Variants in COLEC12 observed in about 807,000 individuals in gnomAD.
COLEC12 encodes collectin-12.
In COLEC12, 33 loss-of-function variants were observed where a neutral mutation model predicts 71.1. That is an observed-to-expected ratio of 0.46 (90% CI 0.35 to 0.62). The LOEUF (loss-of-function observed/expected upper bound fraction) is 0.62, where lower values mean the gene tolerates loss of function less well. Among genes scored for constraint, COLEC12 ranks in the 20% least tolerant of loss-of-function variants. The pLI, the probability that COLEC12 is intolerant of heterozygous loss-of-function variation, is 0.00. For missense variants in COLEC12, 765 were observed against 916.1 expected (o/e 0.84, Z 2.13); for synonymous variants, 350 against 353.0 (o/e 0.99, Z 0.10).
intron 2 of COLEC12, among the ~76,000 whole-genome samples, chr18:369,385 C>CT (rs55923005): frequency 0.25 from 33,862 of 136,080 alleles, 4,426 homozygotes; most frequent in East Asian, 0.35. Flanking sequence ...TGATACAGAT[C>CT]TTTTTTTTTT....
chr18:404,352 C>T (rs1311955849), intron 2 of COLEC12, among the ~76,000 whole-genome samples: 2 of 152,194 alleles, frequency 1.3e-5, no homozygotes, highest in Non-Finnish European at 2.9e-5. Flanking sequence ...ACACAGAATT[C>T]CAAAATGCTG....
intron 2 of COLEC12, among the ~76,000 whole-genome samples, chr18:361,492 A>C (rs1417849463): frequency 6.6e-6 from 1 of 152,156 alleles, no homozygotes; most frequent in African/African-American, 2.4e-5. Context: ...AAAAAGGAAA[A>C]AAACAAAACA....
chr18:386,108 A>ATT (rs757540658), intron 2 of COLEC12, among the ~76,000 whole-genome samples: 29,589 of 151,882 alleles, frequency 0.19, 3,060 homozygotes, highest in Middle Eastern at 0.29. Context: ...TGGGTGGGGG[A>ATT]GAAGGCTAGG....
chr18:498,746 G>T lies in COLEC12; in HGVS notation c.7+1762C>A, dbSNP rs921046512. Among the ~76,000 whole-genome samples, 3 of 152,080 alleles carry T rather than the reference G, an allele frequency of 2.0e-5. No homozygotes were observed. In the East Asian group the frequency reaches 5.8e-4, roughly 29 times the overall value. Reference sequence around the variant, plus strand: ...AGTCCGTCCCTCCATCAACCTCCCCGACTGGGGCGGAAAGTGTATGGGGCT... The same window carrying T: ...AGTCCGTCCCTCCATCAACCTCCCCTACTGGGGCGGAAAGTGTATGGGGCT... On this transcript the variant is annotated intron_variant, in intron 1 of 9. Transcript: ENST00000400256.
intron 5 of COLEC12, among the ~76,000 whole-genome samples, chr18:339,450 T>C (rs1337977852): frequency 6.6e-6 from 1 of 152,190 alleles, no homozygotes; most frequent in Non-Finnish European, 1.5e-5. Flanking sequence ...CCAGATCTTG[T>C]GAAGGAAGGG....
At chr18:476,160 T>C (rs1012962895) in intron 2 of COLEC12, among the ~76,000 whole-genome samples, 4 of 152,224 alleles carry the variant, frequency 2.6e-5, no homozygotes, top group African/African-American at 9.7e-5. Context: ...CGTTTTGGAC[T>C]GTAACCCCTA....
intron 1 of COLEC12, among the ~76,000 whole-genome samples, chr18:487,234 T>C (rs1480270): frequency 0.47 from 71,949 of 152,044 alleles, 17,728 homozygotes; most frequent in African/African-American, 0.58. Flanking sequence ...CACACACACA[T>C]TGTGTGATTC....
At chr18:421,937 C>T (rs1038051776) in intron 2 of COLEC12, among the ~76,000 whole-genome samples, 1 of 152,190 alleles carries the variant, frequency 6.6e-6, no homozygotes, top group African/African-American at 2.4e-5. Context: ...TACCAATCTA[C>T]AGGACAGGCC....
At chr18:373,515 C>T (rs1273907405) in intron 2 of COLEC12, among the ~76,000 whole-genome samples, 1 of 152,228 alleles carries the variant, frequency 6.6e-6, no homozygotes, top group Admixed American at 6.5e-5. Context: ...ATATCAAAAT[C>T]CACTGTATGT....
Position 435,029 on chromosome 18 carries a change from C to A in COLEC12, c.58+45678G>T, listed in dbSNP as rs573935749. 3.9e-5 allele frequency among the ~76,000 whole-genome samples: 6 copies of A among 152,332 alleles called. No individual in the cohort carries two copies. The South Asian group carries it at 1.0e-3, about 26-fold the overall frequency. ...CAACAACTTTCCTGACTTTGACCAG[C>A]AGCTTTCTGGTGTTTATTTAGCAAC... On this transcript the variant is annotated intron_variant, in intron 2 of 9. Transcript: ENST00000400256.
chr18:358,998 G>C (rs117958002), intron 2 of COLEC12, among the ~76,000 whole-genome samples: 4 of 151,896 alleles, frequency 2.6e-5, no homozygotes, highest in African/African-American at 9.7e-5. Flanking sequence ...TGATAATTAC[G>C]ATGATAATTT....
At position 366,137 on chromosome 18, in the gene COLEC12, C is replaced by T. The variant is rs554920601; in HGVS notation, c.59-8615G>A. Among the ~76,000 whole-genome samples, 14 of 152,310 alleles carry T rather than the reference C, an allele frequency of 9.2e-5. No homozygotes were observed. The South Asian group carries it at 2.9e-3, about 32-fold the overall frequency. On this transcript the variant is annotated intron_variant, in intron 2 of 9. Transcript: ENST00000400256. ...AAAAATCTATCTCTGCCTTCTGGAA[C>T]TTATATTCCAGTGGGAGGATGTCTT...
chr18:369,397 ATTTTTTTTTATTTTTATT>A (rs1914946545), intron 2 of COLEC12, among the ~76,000 whole-genome samples: 1 of 99,248 alleles, frequency 1.0e-5, no homozygotes, highest in African/African-American at 3.4e-5. Context: ...TTTTTTTTTT[ATTTTTTTTTATTTTTATT>A]TTTATTTTTA....
chr18:462,029 A>C (rs1427924613), intron 2 of COLEC12, among the ~76,000 whole-genome samples: 1 of 152,208 alleles, frequency 6.6e-6, no homozygotes, highest in Non-Finnish European at 1.5e-5. Context: ...TCATCCCAGT[A>C]CTACAGCAAA....
rs1468989256 is a variant in COLEC12 at position 408,852 on chromosome 18, TG to T, written c.59-51331del. Among the ~76,000 whole-genome samples, 3 of 152,148 alleles carry T rather than the reference TG, an allele frequency of 2.0e-5. No homozygotes were observed. The highest frequency in any genetic ancestry group is 2.0e-4 in the Admixed American group (3 of 15,278). Reference sequence around the variant, plus strand: ...TTTTAATTTTTATTTTTTATTTTTTTGAGATAGTCTTGCTCTGCTGCCCAGG... The same window carrying T: ...TTTTAATTTTTATTTTTTATTTTTTTAGATAGTCTTGCTCTGCTGCCCAGG... On this transcript the variant is annotated intron_variant, in intron 2 of 9. Coordinates refer to ENST00000400256, the MANE Select transcript of COLEC12 (RefSeq NM_130386.3). This position sits in a 1 kb window ranked among gnomAD's most constrained non-coding sequence, Gnocchi z 4.3.
chr18:324,959 CAGG>C (rs1407445049), intron 8 of COLEC12, among the ~76,000 whole-genome samples: 1 of 152,182 alleles, frequency 6.6e-6, no homozygotes, highest in Non-Finnish European at 1.5e-5. Flanking sequence ...GAGGCTAAGG[CAGG>C]AGGATCACTC....
At chr18:360,220 T>C (rs939283162) in intron 2 of COLEC12, among the ~76,000 whole-genome samples, 5 of 151,812 alleles carry the variant, frequency 3.3e-5, no homozygotes, top group Admixed American at 1.3e-4. Flanking sequence ...TTTTGCTCTG[T>C]TGCCCAGGCT....
At chr18:397,107 T>C (rs1336535950) in intron 2 of COLEC12, among the ~76,000 whole-genome samples, 3 of 152,232 alleles carry the variant, frequency 2.0e-5, no homozygotes, top group South Asian at 4.1e-4. Flanking sequence ...TGTGTATCTA[T>C]AGAAAGACAA....
Position 500,432 on chromosome 18 carries a change from G to GCCC in COLEC12, c.7+75_7+76insGGG. The GCCC allele has an allele frequency of 1.2e-6, 1 of 848,806 alleles. No individual in the cohort carries two copies. Among genetic ancestry groups the GCCC allele is most frequent in the Non-Finnish European group, 1.4e-6 (1 of 696,188 alleles). 52.6% of individuals were successfully genotyped at this position (848,806 alleles called of 1,614,324 possible). A position where few individuals can be genotyped will look rare whatever the true frequency, so the allele number is the denominator to read the frequency against. ...GCCCAAGGGAAGGTTCGCGCGGGAG[G>GCCC]CACCTCCGTGGCCTCCCGCGCGCCC... On this transcript the variant is annotated intron_variant, in intron 1 of 9. Coordinates refer to ENST00000400256, the MANE Select transcript of COLEC12 (RefSeq NM_130386.3). This position sits in a 1 kb window ranked among gnomAD's most constrained non-coding sequence, Gnocchi z 5.3.
Sources: allele counts gnomAD v4.1 joint callset (sites outside exome capture counted in the v4.1 genomes callset), GRCh38; gene constraint gnomAD v4.1.1; non-coding constraint Gnocchi (gnomAD v3.1); transcripts MANE v1.5; gene names NCBI Gene and HGNC (gene_info 2026-07-23, HGNC 2026-07-21).